Variants in ABAT observed in about 807,000 individuals in gnomAD.
ABAT encodes the protein 4-aminobutyrate aminotransferase, mitochondrial.
ABAT carries 45 observed loss-of-function variants against 64.6 expected under a neutral mutation model. The observed-to-expected ratio is 0.70, with a 90% confidence interval of 0.55 to 0.89. The LOEUF (loss-of-function observed/expected upper bound fraction) is 0.89. ABAT is among the 40% of genes least tolerant of loss of function. The pLI is 0.00. For missense variants in ABAT, 633 were observed against 658.4 expected (o/e 0.96, Z 0.42); for synonymous variants, 297 against 250.5 (o/e 1.19, Z -1.75).
rs1485966037 is a variant in ABAT at position 8,779,575 on chromosome 16, A to T, written c.1366A>T (p.Ile456Phe). The T allele has an allele frequency of 6.2e-7, 1 of 1,614,062 alleles. No homozygotes were observed. Among genetic ancestry groups the T allele is most frequent in the Non-Finnish European group, 8.5e-7 (1 of 1,179,996 alleles). Residue 456 changes from isoleucine (I) to phenylalanine (F), a missense_variant, in exon 15 of 16, where the codon ATT (isoleucine) becomes TTT (phenylalanine). Physicochemically the swap from Ile to Phe is conservative, Grantham distance 21 (BLOSUM62 0). Coordinates refer to ENST00000268251, the MANE Select transcript of ABAT (RefSeq NM_020686.6). ...DDSIRNKLIL[I>F]ARNKGVVLGG... is the part of the protein sequence containing the mutation. ...TTCCATACGGAATAAGCTCATTTTA[A>T]TTGCCAGAAACAAAGGTAAGGGGTC...
chr16:8,742,585 C>A (rs1411605449), intron 2 of ABAT, among the ~76,000 whole-genome samples: 12 of 152,016 alleles, frequency 7.9e-5, no homozygotes, highest in Admixed American at 7.2e-4. Context: ...AAAACTAGGG[C>A]CGGGTACGGT....
intron 1 of ABAT, among the ~76,000 whole-genome samples, chr16:8,709,614 T>A (rs1002378750): frequency 6.6e-6 from 1 of 152,190 alleles, no homozygotes; most frequent in African/African-American, 2.4e-5. Context: ...CATCAAATGA[T>A]CCACCCGCCT....
intron 1 of ABAT, among the ~76,000 whole-genome samples, chr16:8,712,228 C>T (rs1449656328): frequency 2.0e-5 from 3 of 151,950 alleles, no homozygotes; most frequent in Non-Finnish European, 2.9e-5. Flanking sequence ...AAGACTCCAT[C>T]TCATAAAAAA....
At chr16:8,754,968 C>T (rs2059609500) in intron 5 of ABAT, among the ~76,000 whole-genome samples, 1 of 152,098 alleles carries the variant, frequency 6.6e-6, no homozygotes, top group Admixed American at 6.6e-5. Flanking sequence ...ACCCACCTGC[C>T]TCGGCCTCCC....
intron 6 of ABAT, among the ~76,000 whole-genome samples, chr16:8,759,382 A>G (rs1420549798): frequency 6.9e-6 from 1 of 144,604 alleles, no homozygotes; most frequent in African/African-American, 2.6e-5. Flanking sequence ...TTTTTTTTTT[A>G]CTCCCACTGA....
intron 1 of ABAT, among the ~76,000 whole-genome samples, chr16:8,719,626 C>T (rs2058308802): frequency 6.6e-6 from 1 of 152,076 alleles, no homozygotes; most frequent in Admixed American, 6.6e-5. Flanking sequence ...GTAGCAGGAC[C>T]ACCGCATGTG....
chr16:8,685,828 C>G (rs4985114), intron 1 of ABAT, among the ~76,000 whole-genome samples: 63,276 of 151,972 alleles, frequency 0.42, 14,094 homozygotes, highest in East Asian at 0.77. Flanking sequence ...GACCCATGAT[C>G]TTGAATTTGG....
At chr16:8,770,684 G>A (rs1018666759) in intron 11 of ABAT, among the ~76,000 whole-genome samples, 7 of 152,056 alleles carry the variant, frequency 4.6e-5, no homozygotes, top group Non-Finnish European at 8.8e-5. Context: ...CAAGTGGTCT[G>A]CCCACTTCGG....
chr16:8,722,892 G>A (rs2058414420), intron 1 of ABAT: 1 of 1,284,888 alleles, frequency 7.8e-7, no homozygotes, highest in African/African-American at 1.5e-5. Context: ...CAGTAATATG[G>A]AACTCTTAGC....
At chr16:8,737,498 A>AATAG (rs1230185265) in intron 2 of ABAT, 1 of 150,930 alleles carries the variant, frequency 6.6e-6, no homozygotes, top group African/African-American at 2.4e-5. Context: ...TAAATAAATA[A>AATAG]ACATCTTATT....
intron 1 of ABAT, among the ~76,000 whole-genome samples, chr16:8,681,299 T>C (rs979707789): frequency 6.6e-6 from 1 of 151,512 alleles, no homozygotes; most frequent in Non-Finnish European, 1.5e-5. Flanking sequence ...CCCAGAGTTC[T>C]TTATATAAAT....
intron 1 of ABAT, among the ~76,000 whole-genome samples, chr16:8,680,634 G>A (rs1449964915): frequency 2.0e-5 from 3 of 152,078 alleles, no homozygotes; most frequent in African/African-American, 7.2e-5. Flanking sequence ...CACCATGTTG[G>A]CCAGGCTGGT....
At position 8,776,505 on chromosome 16, in the gene ABAT, C is replaced by G. The variant is rs1234341911; in HGVS notation, c.1269+15C>G. The G allele has an allele frequency of 6.3e-7, 1 of 1,582,912 alleles. No homozygotes were observed. Among genetic ancestry groups the G allele is most frequent in the South Asian group, 1.1e-5 (1 of 87,080 alleles). On this transcript the variant is annotated intron_variant, in intron 14 of 15. Coordinates refer to ENST00000268251, the MANE Select transcript of ABAT (RefSeq NM_020686.6). This position sits in a 1 kb window ranked among gnomAD's most constrained non-coding sequence, Gnocchi z 4.4. ...TGGACCTCCAGGTAACACCCCCTCCCCTGCCCCGCCCCCACCACCCATGGC... is the reference window on the plus strand; with the variant it reads ...TGGACCTCCAGGTAACACCCCCTCCGCTGCCCCGCCCCCACCACCCATGGC...
intron 1 of ABAT, among the ~76,000 whole-genome samples, chr16:8,725,264 A>G (rs1478824631): frequency 1.3e-5 from 2 of 151,836 alleles, no homozygotes; most frequent in Non-Finnish European, 2.9e-5. Flanking sequence ...TTAAGTGAAA[A>G]CTCAGACCCT....
In ABAT at chr16:8,746,004, C is replaced by G. The variant is rs2059317445; in HGVS notation, c.74C>G (p.Ser25Cys). 1 of 1,613,802 alleles carries G rather than the reference C, an allele frequency of 6.2e-7. No homozygotes were observed. Residue 25 changes from serine to cysteine, a missense_variant, in exon 3 of 16, where the codon TCC (serine) becomes TGC (cysteine). Physicochemically the swap from Ser to Cys is moderately radical, Grantham distance 112 (BLOSUM62 -1). Coordinates refer to ENST00000268251, the MANE Select transcript of ABAT (RefSeq NM_020686.6). The part of the protein sequence containing the change: ...QHSYRLLVPG[S>C]RHISQAAAKV... ...TCATTGTCTTTGTTTACTGCAGGATCCAGACACATTAGTCAAGCTGCAGCC... is the reference window on the plus strand; with the variant it reads ...TCATTGTCTTTGTTTACTGCAGGATGCAGACACATTAGTCAAGCTGCAGCC...
chr16:8,763,151 G>A (rs1431878069), intron 6 of ABAT, among the ~76,000 whole-genome samples: 1 of 151,244 alleles, frequency 6.6e-6, no homozygotes, highest in Non-Finnish European at 1.5e-5. Context: ...AGGTCTCTGG[G>A]TTGTGCCAAG....
chr16:8,745,247 G>A (rs1268282512), intron 2 of ABAT, among the ~76,000 whole-genome samples: 2 of 152,182 alleles, frequency 1.3e-5, no homozygotes, highest in African/African-American at 4.8e-5. Flanking sequence ...CTCCCAGAGT[G>A]CTGGGATTAC....
intron 5 of ABAT, among the ~76,000 whole-genome samples, chr16:8,754,137 G>T (rs2059570759): frequency 7.1e-6 from 1 of 140,966 alleles, no homozygotes; most frequent in Non-Finnish European, 1.5e-5. Context: ...TTGAGCTCAG[G>T]AGTTTGAGAC....
intron 2 of ABAT, among the ~76,000 whole-genome samples, chr16:8,739,254 C>T (rs1304717315): frequency 6.6e-6 from 1 of 152,176 alleles, no homozygotes; most frequent in Non-Finnish European, 1.5e-5. Flanking sequence ...AAGGAGACAC[C>T]ATGGGAAGAG....
Sources: allele counts gnomAD v4.1 joint callset (sites outside exome capture counted in the v4.1 genomes callset), GRCh38; gene constraint gnomAD v4.1.1; non-coding constraint Gnocchi (gnomAD v3.1); transcripts MANE v1.5; gene names NCBI Gene and HGNC (gene_info 2026-07-23, HGNC 2026-07-21).